The following OPCML variants were observed in gnomAD, a reference collection of about 807,000 sequenced individuals.
The protein encoded by OPCML is opioid binding protein/cell adhesion molecule like.
A neutral mutation model predicts 37.8 loss-of-function variants in OPCML; 13 were observed. The ratio of observed to expected loss-of-function variants is 0.34; its 90% confidence interval spans 0.22 to 0.55. OPCML has a LOEUF of 0.55. Among genes scored for constraint, OPCML ranks in the 20% least tolerant of loss-of-function variants. The pLI, the probability that OPCML is intolerant of heterozygous loss-of-function variation, is 0.91. For missense variants in OPCML, 341 were observed against 435.6 expected (o/e 0.78, Z 1.93); for synonymous variants, 176 against 168.8 (o/e 1.04, Z -0.33).
At chr11:133,419,271 A>T in intron 1 of OPCML, 1 of 985,384 alleles carries the variant, frequency 1.0e-6, no homozygotes, top group African/African-American at 1.7e-5. Flanking sequence ...GGTTTTGAAC[A>T]TGTGGAATTT....
intron 1 of OPCML, among the ~76,000 whole-genome samples, chr11:132,988,774 T>C (rs958585922): frequency 1.3e-5 from 2 of 152,226 alleles, no homozygotes; most frequent in Non-Finnish European, 2.9e-5. Context: ...CTTTAGTCTC[T>C]GGACTAATTA....
chr11:133,153,064 C>A (rs903336732), intron 1 of OPCML, among the ~76,000 whole-genome samples: 1 of 152,056 alleles, frequency 6.6e-6, no homozygotes, highest in African/African-American at 2.4e-5. Flanking sequence ...GAAGGGGCAC[C>A]GCGAGGGTCT....
At chr11:133,096,545 C>G (rs1297133294) in intron 1 of OPCML, among the ~76,000 whole-genome samples, 3 of 151,986 alleles carry the variant, frequency 2.0e-5, no homozygotes, top group African/African-American at 7.2e-5. Context: ...TCAATAAGCA[C>G]TTTAACATCA....
chr11:133,423,573 T>C (rs1945937354), intron 1 of OPCML: 3 of 799,106 alleles, frequency 3.8e-6, no homozygotes, highest in South Asian at 1.1e-4. Flanking sequence ...AAAGCAGATC[T>C]GTGAAAGATA....
intron 1 of OPCML, among the ~76,000 whole-genome samples, chr11:133,189,093 A>G (rs1329063349): frequency 6.6e-6 from 1 of 152,166 alleles, no homozygotes; most frequent in Non-Finnish European, 1.5e-5. Context: ...GGTTCTCACC[A>G]TCCATCCACT....
At chr11:132,840,000 C>CG (rs1219340939) in intron 2 of OPCML, among the ~76,000 whole-genome samples, 11 of 151,770 alleles carry the variant, frequency 7.2e-5, no homozygotes, top group African/African-American at 2.7e-4. Context: ...GAGGTCCAGG[C>CG]GGGGAGGAGA....
chr11:133,218,523 A>G (rs1387244424), intron 1 of OPCML, among the ~76,000 whole-genome samples: 4 of 152,210 alleles, frequency 2.6e-5, no homozygotes, highest in Admixed American at 2.6e-4. Context: ...TGAGTTACTC[A>G]AAAACAAAGA....
At chr11:132,814,381 T>C (rs1355311880) in intron 2 of OPCML, among the ~76,000 whole-genome samples, 2 of 152,184 alleles carry the variant, frequency 1.3e-5, no homozygotes, top group Non-Finnish European at 2.9e-5. Flanking sequence ...ACCAGTGGTA[T>C]AATTCAGTCC....
chr11:133,115,909 A>G (rs996375422), intron 1 of OPCML, among the ~76,000 whole-genome samples: 7 of 152,128 alleles, frequency 4.6e-5, no homozygotes, highest in African/African-American at 1.4e-4. Context: ...TTGAGCTATC[A>G]TGCCCGTTTT....
In OPCML at chr11:132,512,063, C is replaced by A. The variant is rs145933911; in HGVS notation, c.505+16998G>T. ...ATTAGAAACAGTCAGAAGATTTCAACCACTACTTCACAAAATTAGATATAC... is the reference window on the plus strand; with the variant it reads ...ATTAGAAACAGTCAGAAGATTTCAAACACTACTTCACAAAATTAGATATAC... On this transcript the variant is annotated intron_variant, in intron 4 of 7. Coordinates refer to ENST00000524381, the MANE Select transcript of OPCML (RefSeq NM_001012393.5). Among the ~76,000 whole-genome samples, 63 of 152,078 alleles carry A rather than the reference C, an allele frequency of 4.1e-4. No individual in the cohort carries two copies. In the East Asian group the frequency reaches 8.5e-3, roughly 21 times the overall value.
chr11:133,245,515 C>T (rs1940889030), intron 1 of OPCML, among the ~76,000 whole-genome samples: 1 of 152,144 alleles, frequency 6.6e-6, no homozygotes, highest in Non-Finnish European at 1.5e-5. Context: ...CCAAAGCAGC[C>T]ATTAGGTCCC....
At chr11:132,627,351 G>C (rs908774869) in intron 3 of OPCML, among the ~76,000 whole-genome samples, 1 of 152,178 alleles carries the variant, frequency 6.6e-6, no homozygotes, top group Non-Finnish European at 1.5e-5. Context: ...GGAATATTGA[G>C]GGTGGGTGTT....
intron 2 of OPCML, among the ~76,000 whole-genome samples, chr11:132,826,679 T>A (rs1473139737): frequency 6.6e-6 from 1 of 152,200 alleles, no homozygotes; most frequent in African/African-American, 2.4e-5. Context: ...TTCTCTTAAT[T>A]TACCCTATAC....
At chr11:133,027,479 G>T (rs1947576383) in intron 1 of OPCML, among the ~76,000 whole-genome samples, 1 of 145,928 alleles carries the variant, frequency 6.9e-6, no homozygotes, top group African/African-American at 2.6e-5. Flanking sequence ...TAGTGTGTGT[G>T]TGTGTGTGTG....
intron 1 of OPCML, among the ~76,000 whole-genome samples, chr11:133,123,596 G>T (rs1823251097): frequency 6.6e-6 from 1 of 152,094 alleles, no homozygotes; most frequent in Admixed American, 6.5e-5. Context: ...AGGGCCATCT[G>T]GTCAGCCCGG....
chr11:133,289,519 C>T (rs1298822854), intron 1 of OPCML, among the ~76,000 whole-genome samples: 1 of 142,810 alleles, frequency 7.0e-6, no homozygotes, highest in Admixed American at 7.3e-5. Context: ...GGCGTGAACC[C>T]GGGAGGCGGA....
chr11:133,532,270 T>C lies in OPCML; in HGVS notation c.55A>G (p.Ile19Val). 1 of 1,613,928 alleles carries C rather than the reference T, an allele frequency of 6.2e-7. No homozygotes were observed. Among genetic ancestry groups the C allele is most frequent in the Non-Finnish European group, 8.5e-7 (1 of 1,179,950 alleles). The change falls in exon 1 of 8, where the codon ATC (isoleucine) becomes GTC (valine). Residue 19 changes from isoleucine to valine, a missense_variant. Coordinates refer to ENST00000524381, the MANE Select transcript of OPCML (RefSeq NM_001012393.5). Reference protein sequence around the residue: ...VFSATTALLFIPGVPVRSGDA... With the variant: ...VFSATTALLFVPGVPVRSGDA... Reference sequence around the variant, plus strand: ...CCCTTCCCCTGTACGGTACCTGGGATGAAGAGCAGGGCAGTTGTCGCCGAG... The same window carrying C: ...CCCTTCCCCTGTACGGTACCTGGGACGAAGAGCAGGGCAGTTGTCGCCGAG...
chr11:132,742,495 T>G lies in OPCML; in HGVS notation c.147-85176A>C, dbSNP rs1164445394. Among the ~76,000 whole-genome samples, 4 of 152,030 alleles carry G rather than the reference T, an allele frequency of 2.6e-5. No homozygotes were observed. In the East Asian group the frequency reaches 7.8e-4, roughly 30 times the overall value. On this transcript the variant is annotated intron_variant, in intron 2 of 7. Coordinates refer to ENST00000524381, the MANE Select transcript of OPCML (RefSeq NM_001012393.5). ...CCAGACACCAGATCTGCTGGCACCGTGATCTTGGAGTTCCCAGACACCAGA... is the reference window on the plus strand; with the variant it reads ...CCAGACACCAGATCTGCTGGCACCGGGATCTTGGAGTTCCCAGACACCAGA...
chr11:132,703,653 G>A (rs1050762258), intron 2 of OPCML, among the ~76,000 whole-genome samples: 3 of 152,314 alleles, frequency 2.0e-5, no homozygotes, highest in East Asian at 1.9e-4. Flanking sequence ...TGAGCAAGCA[G>A]GCCTAGAGAG....
Sources: allele counts gnomAD v4.1 joint callset (sites outside exome capture counted in the v4.1 genomes callset), GRCh38; gene constraint gnomAD v4.1.1; transcripts MANE v1.5; gene names NCBI Gene and HGNC (gene_info 2026-07-23, HGNC 2026-07-21).